Variants in LRRC24 observed in about 807,000 individuals in gnomAD.
LRRC24 encodes leucine-rich repeat-containing protein 24.
Under a neutral mutation model 15.3 loss-of-function variants are expected in LRRC24, and 19 were observed. That is an observed-to-expected ratio of 1.25 (90% confidence interval 0.87 to 1.83). LRRC24 has a LOEUF of 1.83. Ranked by LOEUF, LRRC24 falls within the 40% of genes most tolerant of loss-of-function variation. The pLI is 0.00. For missense variants in LRRC24, 914 were observed against 723.9 expected, an observed-to-expected ratio of 1.26 and a Z score of -3.01; for synonymous variants, 469 against 359.6, an observed-to-expected ratio of 1.30 and a Z score of -3.44.
chr8:144,522,510 C>T lies in LRRC24; in HGVS notation c.1507G>A (p.Val503Met), dbSNP rs771935827. 36 of 1,498,710 alleles carry T rather than the reference C, an allele frequency of 2.4e-5. 1 individual carries two copies. In the South Asian group the frequency reaches 4.6e-4, roughly 19 times the overall value. 92.8% of individuals were successfully genotyped at this position (1,498,710 alleles called of 1,614,324 possible). A position where few individuals can be genotyped will look rare whatever the true frequency, so the allele number is the denominator to read the frequency against. ...ATCTCGTAGGCGACCGGCGGGGGCA[C>T]GCGGAGTCCCGGCCCCGCCCCCTGT... ...PEQGAGPGLR[V>M]PPPVAYEIHC The change falls in exon 5 of 5, where the codon GTG becomes ATG. Residue 503 changes from valine to methionine, a missense_variant. Coordinates refer to ENST00000529415, the MANE Select transcript of LRRC24 (RefSeq NM_001024678.4).
chr8:144,523,528 G>A, intron 4 of LRRC24, 119 bp from the exon 5 acceptor site: 1 of 1,390,388 alleles, frequency 7.2e-7, no homozygotes, highest in Non-Finnish European at 9.3e-7. Flanking sequence ...GTTTTCACAC[G>A]GAGTCCAAGG....
In LRRC24 at chr8:144,524,280, TG is replaced by T; in HGVS notation, c.439-3del. The T allele has an allele frequency of 6.2e-7, 1 of 1,611,424 alleles. No homozygotes were observed. The highest frequency in any genetic ancestry group is 1.7e-5 in the Admixed American group (1 of 60,012). Reference sequence around the variant, plus strand: ...TTGCAGGTGAAGCTCCTGCAGTCGCTGAAGTAAGGACAGCAGATCGTGAGGA... The same window carrying T: ...TTGCAGGTGAAGCTCCTGCAGTCGCTAAGTAAGGACAGCAGATCGTGAGGA... On this transcript the variant is annotated splice_region_variant and splice_polypyrimidine_tract_variant and intron_variant, in intron 3 of 4. Transcript: ENST00000529415.
intron 4 of LRRC24, chr8:144,523,686 G>A (rs1046647764): frequency 6.9e-6 from 3 of 435,892 alleles, no homozygotes; most frequent in African/African-American, 4.1e-5. Flanking sequence ...AAGTCTTCCT[G>A]CAACAAGTGC....
At position 144,522,482 on chromosome 8, in the gene LRRC24, TG is replaced by T; in HGVS notation, c.1534del (p.His512ThrfsTer?). 1 of 1,485,752 alleles carries T rather than the reference TG, an allele frequency of 6.7e-7. No homozygotes were observed. The allele number at this position is 1,485,752 out of a possible 1,614,324, so 92.0% of individuals were successfully genotyped here. A position where few individuals can be genotyped will look rare whatever the true frequency, so the allele number is the denominator to read the frequency against. ...ATCCGCGCGCCCGCGGCCCTAGCAG[TG>T]GATCTCGTAGGCGACCGGCGGGGGC... ...RVPPPVAYEI[H>X]C On this transcript the variant is annotated frameshift_variant, in exon 5 of 5. Coordinates refer to ENST00000529415, the MANE Select transcript of LRRC24 (RefSeq NM_001024678.4). LOFTEE classifies it high-confidence loss of function.
Position 144,523,239 on chromosome 8 carries a change from G to A in LRRC24, c.778C>T (p.Pro260Ser), listed in dbSNP as rs1312507381. The A allele has an allele frequency of 6.2e-7, 1 of 1,610,422 alleles. No homozygotes were observed. Among genetic ancestry groups the A allele is most frequent in the Non-Finnish European group, 8.5e-7 (1 of 1,178,946 alleles). ...VSHSSLICIP[P>S]SVHVQPLELT... ...TCCAGCGGCTGCACGTGGACAGAGG[G>A]CGGAATGCAGATGAGGCTGCTGTGG... Residue 260 changes from proline (P) to serine (S), a missense_variant, in exon 5 of 5, where the codon CCC becomes TCC. By Grantham distance (74) the Pro-to-Ser change is moderately conservative. Coordinates refer to ENST00000529415, the MANE Select transcript of LRRC24 (RefSeq NM_001024678.4).
rs779968965 is a variant in LRRC24, at chr8:144,523,388, C to T, written c.629G>A (p.Cys210Tyr). Residue 210 changes from cysteine to tyrosine, a missense_variant, in exon 5 of 5, where the codon TGC (cysteine) becomes TAC (tyrosine). Physicochemically the swap from Cys to Tyr is radical, Grantham distance 194. Coordinates refer to ENST00000529415, the MANE Select transcript of LRRC24 (RefSeq NM_001024678.4). The stretch of plus-strand genomic sequence containing the variant: ...CCAGGCACCCAGCCAGTGCAGGGCG[C>T]AGTCACAGCGCCATGGGTTCTCTGT... Reference protein sequence around the residue: ...RLTENPWRCDCALHWLGAWIK... With the variant: ...RLTENPWRCDYALHWLGAWIK... 1 of 1,544,450 alleles carries T rather than the reference C, an allele frequency of 6.5e-7. No homozygotes were observed. The highest frequency in any genetic ancestry group is 8.7e-7 in the Non-Finnish European group (1 of 1,144,594).
Position 144,522,544 on chromosome 8 carries a change from G to A in LRRC24, c.1473C>T (p.Cys491=), listed in dbSNP as rs1564823176. The A allele has an allele frequency of 9.2e-6, 14 of 1,528,010 alleles. No individual in the cohort carries two copies. Among genetic ancestry groups the A allele is most frequent in the African/African-American group, 2.8e-5 (2 of 70,176 alleles). 94.7% of individuals were successfully genotyped at this position (1,528,010 alleles called of 1,614,324 possible). A position where few individuals can be genotyped will look rare whatever the true frequency, so the allele number is the denominator to read the frequency against. Residue 491 remains cysteine, a synonymous_variant, in exon 5 of 5, where the codon TGC becomes TGT. Transcript: ENST00000529415. ...AEGPAEAPAD[C]GPEQGAGPGL... is the part of the protein sequence containing the mutation. ...CCGGCCCCGCCCCCTGTTCCGGGCC[G>A]CAGTCAGCGGGCGCCTCCGCCGGAC...
chr8:144,524,018 G>A, intron 4 of LRRC24, 92 bp downstream of exon 4: 1 of 1,438,646 alleles, frequency 7.0e-7, no homozygotes, highest in Non-Finnish European at 9.4e-7. Context: ...CTGCTGCCCA[G>A]TTGCCTGATG....
rs1436916875 is a variant in LRRC24 at position 144,522,988 on chromosome 8, G to A, written c.1029C>T (p.Tyr343=). 3 of 1,595,328 alleles carry A rather than the reference G, an allele frequency of 1.9e-6. No homozygotes were observed. Among genetic ancestry groups the A allele is most frequent in the Admixed American group, 3.4e-5 (2 of 59,190 alleles). The change falls in exon 5 of 5, where the codon TAC becomes TAT. Residue 343 remains tyrosine (Y), a synonymous_variant. Coordinates refer to ENST00000529415, the MANE Select transcript of LRRC24 (RefSeq NM_001024678.4). ...SNITLAHAGK[Y]ECEASNAGGA... ...CGCCGGCGTTGGAGGCCTCGCACTC[G>A]TACTTACCGGCGTGCGCCAGCGTGA...
chr8:144,522,527 G>C lies in LRRC24; in HGVS notation c.1490C>G (p.Ala497Gly), dbSNP rs755754373. 7 of 1,512,564 alleles carry C rather than the reference G, an allele frequency of 4.6e-6. No individual in the cohort carries two copies. The highest frequency in any genetic ancestry group is 5.3e-6 in the Non-Finnish European group (6 of 1,132,916). The allele number at this position is 1,512,564 out of a possible 1,614,324, so 93.7% of individuals were successfully genotyped here. A position where few individuals can be genotyped will look rare whatever the true frequency, so the allele number is the denominator to read the frequency against. The change falls in exon 5 of 5, where the codon GCG becomes GGG. Residue 497 changes from alanine to glycine, a missense_variant. Physicochemically the swap from Ala to Gly is moderately conservative, Grantham distance 60. Transcript: ENST00000529415. ...APADCGPEQG[A>G]GPGLRVPPPV... Reference sequence around the variant, plus strand: ...CGGGGGCACGCGGAGTCCCGGCCCCGCCCCCTGTTCCGGGCCGCAGTCAGC... The same window carrying C: ...CGGGGGCACGCGGAGTCCCGGCCCCCCCCCCTGTTCCGGGCCGCAGTCAGC...
chr8:144,524,821 T>C lies in LRRC24; in HGVS notation c.154A>G (p.Thr52Ala). The C allele has an allele frequency of 6.8e-7, 1 of 1,468,382 alleles. No individual in the cohort carries two copies. Among genetic ancestry groups the C allele is most frequent in the Non-Finnish European group, 9.0e-7 (1 of 1,110,096 alleles). The allele number at this position is 1,468,382 out of a possible 1,614,324, so 91.0% of individuals were successfully genotyped here. A position where few individuals can be genotyped will look rare whatever the true frequency, so the allele number is the denominator to read the frequency against. ...CAGCTCCACACGGTGCCCACCTGCG[T>C]CCCTGGCGGGATTCCCAGCGGGACG... ...RVVPLGIPPGTQTLFLQDNNI... is the reference protein window; with the variant it reads ...RVVPLGIPPGAQTLFLQDNNI... The change falls in exon 2 of 5, where the codon ACG becomes GCG. Residue 52 changes from threonine to alanine, a missense_variant. By Grantham distance (58) the Thr-to-Ala change is moderately conservative (BLOSUM62 0). Transcript: ENST00000529415.
intron 4 of LRRC24, 64 bp downstream of exon 4, chr8:144,524,046 A>T: frequency 1.3e-6 from 2 of 1,550,182 alleles, no homozygotes; most frequent in Non-Finnish European, 1.8e-6. Context: ...CCCTCCACAC[A>T]TGAGCCTGCT....
chr8:144,526,760 C>T (rs1016485717), intron 1 of LRRC24, 200 bp downstream of exon 1: 1 of 152,300 alleles, frequency 6.6e-6, no homozygotes, highest in African/African-American at 2.4e-5. Context: ...GACCTGGTGC[C>T]TGTATCCCCC....
In LRRC24 at chr8:144,523,622, C is replaced by G. The variant is rs919923870; in HGVS notation, c.608-213G>C. The G allele has an allele frequency of 3.0e-5, 19 of 626,832 alleles. No individual in the cohort carries two copies. The Admixed American group carries it at 3.8e-4, about 13-fold the overall frequency. The allele number at this position is 626,832 out of a possible 1,614,324, so 38.8% of individuals were successfully genotyped here. ...CCCCCTCCCCTTTAGCTCTGTGATGCCTGCCTGTTACAGATCACTTCTCCG... is the reference window on the plus strand; with the variant it reads ...CCCCCTCCCCTTTAGCTCTGTGATGGCTGCCTGTTACAGATCACTTCTCCG... On this transcript the variant is annotated intron_variant, in intron 4 of 4. Transcript: ENST00000529415.
rs1193722919 is a variant in LRRC24, at chr8:144,523,035, C to T, written c.982G>A (p.Gly328Ser). 1.2e-6 allele frequency: 2 copies of T among 1,601,568 alleles called. No homozygotes were observed. The highest frequency in any genetic ancestry group is 1.7e-6 in the Non-Finnish European group (2 of 1,175,972). ...GGHSASDTGS[G>S]MLFLSNITLA... is the part of the protein sequence containing the mutation. Reference sequence around the variant, plus strand: ...GTGATGTTGCTGAGGAAGAGCATGCCGCTGCCCGTGTCGGATGCCGAGTGT... The same window carrying T: ...GTGATGTTGCTGAGGAAGAGCATGCTGCTGCCCGTGTCGGATGCCGAGTGT... Residue 328 changes from glycine (G) to serine (S), a missense_variant, in exon 5 of 5, where the codon GGC (glycine) becomes AGC (serine). By Grantham distance (56) the Gly-to-Ser change is moderately conservative. Coordinates refer to ENST00000529415, the MANE Select transcript of LRRC24 (RefSeq NM_001024678.4).
Position 144,524,809 on chromosome 8 carries a change from T to G in LRRC24, c.159+7A>C. The G allele has an allele frequency of 6.8e-7, 1 of 1,460,116 alleles. No homozygotes were observed. Among genetic ancestry groups the G allele is most frequent in the South Asian group, 1.3e-5 (1 of 74,878 alleles). The allele number at this position is 1,460,116 out of a possible 1,614,324, so 90.4% of individuals were successfully genotyped here. On this transcript the variant is annotated splice_region_variant and intron_variant, in intron 2 of 4. Transcript: ENST00000529415. The stretch of plus-strand genomic sequence containing the variant: ...CCCGTCCTCCCGCAGCTCCACACGG[T>G]GCCCACCTGCGTCCCTGGCGGGATT...
At position 144,524,096 on chromosome 8, in the gene LRRC24, C is replaced by G. The variant is rs199698941; in HGVS notation, c.607+14G>C. ...CCGTGGCCCAGACAGAGACGCTTTC[C>G]GAGGAAGAGGTACCTGTGAGGCGCA... On this transcript the variant is annotated intron_variant, in intron 4 of 4. Coordinates refer to ENST00000529415, the MANE Select transcript of LRRC24 (RefSeq NM_001024678.4). 1.3e-6 allele frequency: 2 copies of G among 1,591,526 alleles called. No individual in the cohort carries two copies. Among genetic ancestry groups the G allele is most frequent in the Non-Finnish European group, 1.7e-6 (2 of 1,164,406 alleles).
intron 3 of LRRC24, 22 bp downstream of exon 3, chr8:144,524,419 C>T (rs773121580): frequency 1.2e-5 from 19 of 1,596,860 alleles, no homozygotes; most frequent in South Asian, 2.2e-5. Flanking sequence ...GTATCCCGCC[C>T]CTTTAGACCC....
chr8:144,524,640 T>C lies in LRRC24; in HGVS notation c.239A>G (p.Tyr80Cys). The C allele has an allele frequency of 2.6e-6, 4 of 1,515,730 alleles. No homozygotes were observed. The highest frequency in any genetic ancestry group is 3.5e-6 in the Non-Finnish European group (4 of 1,140,424). The allele number at this position is 1,515,730 out of a possible 1,614,324, so 93.9% of individuals were successfully genotyped here. Reference sequence around the variant, plus strand: ...GGCGCGCAGGCTGTTGTTGTGCAGGTAGAGCCGGCGCAGAGCGGCGAGTGG... The same window carrying C: ...GGCGCGCAGGCTGTTGTTGTGCAGGCAGAGCCGGCGCAGAGCGGCGAGTGG... The part of the protein sequence containing the change: ...LAPLAALRRL[Y>C]LHNNSLRALE... The change falls in exon 3 of 5, where the codon TAC becomes TGC. Residue 80 changes from tyrosine (Y) to cysteine (C), a missense_variant. Tyr to Cys is a radical substitution (Grantham distance 194). Coordinates refer to ENST00000529415, the MANE Select transcript of LRRC24 (RefSeq NM_001024678.4).
Sources: gnomAD v4.1 joint callset for allele counts on GRCh38, gnomAD v4.1.1 for gene constraint, MANE v1.5 for transcripts, NCBI Gene and HGNC (gene_info 2026-07-23, HGNC 2026-07-21) for gene names.